RPS6KB2: variants seen among roughly 807,000 people sequenced by gnomAD.
RPS6KB2 encodes ribosomal protein S6 kinase B2.
Under a neutral mutation model 58.2 loss-of-function variants are expected in RPS6KB2, and 51 were observed. The observed-to-expected ratio is 0.88, with a 90% CI of 0.70 to 1.11. RPS6KB2 has a LOEUF of 1.11. Ranked by LOEUF, RPS6KB2 falls within the 50% of genes least tolerant of loss-of-function variation. RPS6KB2 has a pLI of 0.00. For missense variants in RPS6KB2, 671 were observed against 655.8 expected (o/e 1.02, Z -0.25); for synonymous variants, 293 against 258.6 (o/e 1.13, Z -1.28).
Position 67,429,592 on chromosome 11 carries a change from G to A in RPS6KB2, c.306G>A (p.Arg102=). 6.2e-7 allele frequency: 1 copy of A among 1,611,048 alleles called. No individual in the cohort carries two copies. Among genetic ancestry groups the A allele is most frequent in the Non-Finnish European group, 8.5e-7 (1 of 1,178,684 alleles). ...LGKIYAMKVL[R]KAKIVRNAKD... is the part of the protein sequence containing the mutation. ...AAATATATGCCATGAAAGTCCTAAG[G>A]AAGGTGAGTCACTCGTTCAGCCAAC... is the stretch of plus-strand genomic sequence containing the variant. Residue 102 remains arginine, a synonymous_variant, in exon 4 of 15, where the codon AGG becomes AGA. Coordinates refer to ENST00000312629, the MANE Select transcript of RPS6KB2 (RefSeq NM_003952.3).
At chr11:67,433,079 C>A in intron 8 of RPS6KB2, 37 bp downstream of exon 8, 3 of 1,612,070 alleles carry the variant, frequency 1.9e-6, no homozygotes, top group Non-Finnish European at 1.7e-6. Flanking sequence ...GTCGGGAGGA[C>A]AGCCCGAAGG....
intron 4 of RPS6KB2, 50 bp from the exon 5 acceptor site, chr11:67,431,318 C>T: frequency 6.3e-7 from 1 of 1,592,716 alleles, no homozygotes. Flanking sequence ...GTGTGAGCCA[C>T]TGTGCCCAGC....
At position 67,435,187 on chromosome 11, in the gene RPS6KB2, A is replaced by T. The variant is rs1415905736; in HGVS notation, c.*18A>T. The T allele has an allele frequency of 5.8e-6, 9 of 1,539,202 alleles. No individual in the cohort carries two copies. The highest frequency in any genetic ancestry group is 2.0e-4 in the Middle Eastern group (1 of 4,894). ...GGCGCTAGGAAGCCGGGTGGGGGTG[A>T]GGGTAGCCCTTGAGCCCTGTCCCTG... On this transcript the variant is annotated 3_prime_UTR_variant, in exon 15 of 15. Transcript: ENST00000312629.
chr11:67,435,349 C>T lies in RPS6KB2; in HGVS notation c.*180C>T, dbSNP rs541843330. 47 of 653,544 alleles carry T rather than the reference C, an allele frequency of 7.2e-5. 1 individual carries two copies. In the South Asian group the frequency reaches 7.4e-4, roughly 10 times the overall value. The allele number at this position is 653,544 out of a possible 1,614,324, so 40.5% of individuals were successfully genotyped here. A position where few individuals can be genotyped will look rare whatever the true frequency, so the allele number is the denominator to read the frequency against. ...TGAATCATGGGCACGGAGGGCCGCC[C>T]GCCACGCCCCGCGCTCAACTGCTCC... On this transcript the variant is annotated 3_prime_UTR_variant, in exon 15 of 15. Coordinates refer to ENST00000312629, the MANE Select transcript of RPS6KB2 (RefSeq NM_003952.3).
intron 5 of RPS6KB2, 152 bp downstream of exon 5, chr11:67,431,667 T>G: frequency 1.6e-6 from 1 of 643,058 alleles, no homozygotes; most frequent in East Asian, 2.8e-5. Context: ...CATCCATCCG[T>G]GCATCCGTCC....
At chr11:67,432,385 C>T (rs1233159752) in intron 5 of RPS6KB2, 1 of 695,698 alleles carries the variant, frequency 1.4e-6, no homozygotes, top group Non-Finnish European at 2.6e-6. Context: ...GTGGCTGGGT[C>T]TCTTCATCCT....
rs1263140256 is a variant in RPS6KB2 at position 67,429,253 on chromosome 11, G to C, written c.240+13G>C. On this transcript the variant is annotated intron_variant, in intron 3 of 14. Transcript: ENST00000312629. ...GGGCTATGGCAAGGTAGGGGCGGGC[G>C]CACCCTCCTCCTGGCCTCACAGCCT... 2 of 1,611,430 alleles carry C rather than the reference G, an allele frequency of 1.2e-6. No individual in the cohort carries two copies. The highest frequency in any genetic ancestry group is 3.3e-5 in the Admixed American group (2 of 60,016).
In RPS6KB2 at chr11:67,434,991, C is replaced by T. The variant is rs750202769; in HGVS notation, c.1271C>T (p.Pro424Leu). Residue 424 changes from proline to leucine, a missense_variant and splice_region_variant, in exon 15 of 15, where the codon CCC (proline) becomes CTC (leucine). By Grantham distance (98) the Pro-to-Leu change is moderately conservative. Transcript: ENST00000312629. ...LNSSPRAPVS[P>L]LKFSPFEGFR... The stretch of plus-strand genomic sequence containing the variant: ...TTCTGCCTTGGTTTCCCCTGCAGCC[C>T]CCTCAAGTTCTCCCCTTTTGAGGGG... The T allele has an allele frequency of 2.5e-6, 4 of 1,613,450 alleles. No individual in the cohort carries two copies. The highest frequency in any genetic ancestry group is 1.6e-4 in the Middle Eastern group (1 of 6,084).
rs200933668 is a variant in RPS6KB2 at position 67,431,469 on chromosome 11, C to T, written c.411C>T (p.Ala137=). ...CCTTTATTGTGGAACTGGCCTATGC[C>T]TTCCAGACTGGTGGCAAACTCTACC... ...KHPFIVELAY[A]FQTGGKLYLI... The change falls in exon 5 of 15, where the codon GCC becomes GCT. Residue 137 remains alanine (A), a synonymous_variant. Coordinates refer to ENST00000312629, the MANE Select transcript of RPS6KB2 (RefSeq NM_003952.3). 26 of 1,614,010 alleles carry T rather than the reference C, an allele frequency of 1.6e-5. No homozygotes were observed. The highest frequency in any genetic ancestry group is 2.1e-5 in the Non-Finnish European group (25 of 1,180,016).
intron 7 of RPS6KB2, 53 bp from the exon 8 acceptor site, chr11:67,432,899 C>T: frequency 6.2e-7 from 1 of 1,608,504 alleles, no homozygotes; most frequent in East Asian, 2.2e-5. Flanking sequence ...GGGCTGAGGA[C>T]CTCTGTGGGT....
In RPS6KB2 at chr11:67,428,552, G is replaced by C. The variant is rs1309541972; in HGVS notation, c.7G>C (p.Ala3Pro). MA[A>P]VFDLDLETEE... The stretch of plus-strand genomic sequence containing the variant: ...CCGCGGGGCCGGCGCCGCCATGGCG[G>C]CCGTGTTTGATTTGGATTTGGAGAC... Residue 3 changes from alanine to proline, a missense_variant, in exon 1 of 15, where the codon GCC (alanine) becomes CCC (proline). Physicochemically the swap from Ala to Pro is conservative, Grantham distance 27. Transcript: ENST00000312629. The C allele has an allele frequency of 1.2e-6, 2 of 1,608,650 alleles. No homozygotes were observed. Among genetic ancestry groups the C allele is most frequent in the Admixed American group, 3.4e-5 (2 of 59,684 alleles).
chr11:67,433,485 C>T, intron 10 of RPS6KB2, 38 bp downstream of exon 10: 3 of 1,452,726 alleles, frequency 2.1e-6, no homozygotes, highest in Non-Finnish European at 2.9e-6. Context: ...GCCCTGCCAG[C>T]CATTCTGCAC....
At chr11:67,429,055 T>C in intron 2 of RPS6KB2, 33 bp downstream of exon 2, 1 of 1,551,326 alleles carries the variant, frequency 6.4e-7, no homozygotes, top group South Asian at 1.1e-5. Flanking sequence ...GAGGGGGGAA[T>C]GGAGTGGGGA....
chr11:67,431,845 G>T, intron 5 of RPS6KB2: 1 of 311,794 alleles, frequency 3.2e-6, no homozygotes, highest in South Asian at 3.2e-5. Context: ...CCTGCATCCT[G>T]TCAGGTCCCC....
chr11:67,433,969 C>G, intron 10 of RPS6KB2, 26 bp from the exon 11 acceptor site: 1 of 1,613,952 alleles, frequency 6.2e-7, no homozygotes, highest in Non-Finnish European at 8.5e-7. Flanking sequence ...TTGCCCAGGC[C>G]CTCACCCTCT....
intron 11 of RPS6KB2, 50 bp from the exon 12 acceptor site, chr11:67,434,148 G>A: frequency 1.9e-6 from 3 of 1,612,224 alleles, no homozygotes; most frequent in Non-Finnish European, 2.5e-6. Context: ...AGTGACCGGG[G>A]GGCAAGCAGG....
At chr11:67,432,034 C>G in intron 5 of RPS6KB2, 1 of 325,012 alleles carries the variant, frequency 3.1e-6, no homozygotes, top group Non-Finnish European at 6.0e-6. Flanking sequence ...CCCTTCTATT[C>G]AGAGTCCTGC....
chr11:67,434,441 C>G lies in RPS6KB2; in HGVS notation c.1112C>G (p.Pro371Arg). Reference sequence around the variant, plus strand: ...ACACGGCAGACGCCGGTGGACAGTCCTGATGACACAGCCCTCAGCGAGAGT... The same window carrying G: ...ACACGGCAGACGCCGGTGGACAGTCGTGATGACACAGCCCTCAGCGAGAGT... ...RFTRQTPVDSPDDTALSESAN... is the reference protein window; with the variant it reads ...RFTRQTPVDSRDDTALSESAN... The change falls in exon 13 of 15, where the codon CCT (proline) becomes CGT (arginine). Residue 371 changes from proline to arginine, a missense_variant. Coordinates refer to ENST00000312629, the MANE Select transcript of RPS6KB2 (RefSeq NM_003952.3). The G allele has an allele frequency of 6.2e-7, 1 of 1,613,020 alleles. No individual in the cohort carries two copies. Among genetic ancestry groups the G allele is most frequent in the Non-Finnish European group, 8.5e-7 (1 of 1,179,996 alleles).
chr11:67,432,910 G>A (rs1191121233), intron 7 of RPS6KB2, 42 bp from the exon 8 acceptor site: 2 of 1,608,726 alleles, frequency 1.2e-6, no homozygotes, highest in Admixed American at 1.7e-5. Flanking sequence ...CTCTGTGGGT[G>A]GGGTGGGGCC....
Sources: gnomAD v4.1 joint callset for allele counts on GRCh38, gnomAD v4.1.1 for gene constraint, MANE v1.5 for transcripts, NCBI Gene and HGNC (gene_info 2026-07-23, HGNC 2026-07-21) for gene names.